Variants in OPRL1 observed in about 807,000 individuals in gnomAD.
OPRL1 encodes opioid related nociceptin receptor 1.
In OPRL1, 5 loss-of-function variants were observed where a neutral mutation model predicts 15.5. The observed-to-expected ratio is 0.32, with a 90% CI of 0.17 to 0.68. The LOEUF (loss-of-function observed/expected upper bound fraction) is 0.68, where lower values mean the gene tolerates loss of function less well. Among genes scored for constraint, OPRL1 ranks in the 30% least tolerant of loss-of-function variants. The probability of loss-of-function intolerance (pLI) is 0.72; values close to 1 mark genes in which losing one functional copy is unlikely to be tolerated. For missense variants in OPRL1, 406 were observed against 515.3 expected, an observed-to-expected ratio of 0.79 and a Z score of 2.05; for synonymous variants, 223 against 230.2, an observed-to-expected ratio of 0.97 and a Z score of 0.28.
At chr20:64,088,329 G>A (rs1359665610) in intron 1 of OPRL1, among the ~76,000 whole-genome samples, 3 of 151,564 alleles carry the variant, frequency 2.0e-5, no homozygotes, top group South Asian at 2.1e-4. Context: ...GAGTCTCTGC[G>A]GGGAGGACTT....
rs1419825604 is a variant in OPRL1, at chr20:64,090,803, G to A, written c.-184-1163G>A. Reference sequence around the variant, plus strand: ...GATCTGGGGCCCAGCTGTGGCAGAGGTGCCCTGGGCACTGATCTGGGGCCC... The same window carrying A: ...GATCTGGGGCCCAGCTGTGGCAGAGATGCCCTGGGCACTGATCTGGGGCCC... On this transcript the variant is annotated intron_variant, in intron 1 of 4. Coordinates refer to ENST00000336866, the MANE Select transcript of OPRL1 (RefSeq NM_182647.4). This position sits in a 1 kb window ranked among gnomAD's most constrained non-coding sequence, Gnocchi z 4.9. Among the ~76,000 whole-genome samples, 4 of 139,910 alleles carry A rather than the reference G, an allele frequency of 2.9e-5. No homozygotes were observed. The highest frequency in any genetic ancestry group is 6.3e-5 in the Non-Finnish European group (4 of 63,340). 91.8% of individuals were successfully genotyped at this position (139,910 alleles called of 152,430 possible). A position where few individuals can be genotyped will look rare whatever the true frequency, so the allele number is the denominator to read the frequency against.
intron 1 of OPRL1, among the ~76,000 whole-genome samples, chr20:64,087,953 C>T (rs1220660936): frequency 6.6e-6 from 1 of 152,168 alleles, no homozygotes; most frequent in Non-Finnish European, 1.5e-5. Context: ...GGGCTGGGCC[C>T]CTGCCAACCC....
Position 64,090,629 on chromosome 20 carries a change from C to T in OPRL1, c.-184-1337C>T, listed in dbSNP as rs1267411097. ...ACAGCCTTGACCTGTGACCTTTCAT[C>T]TCAGTGGATCAGGCATGGGACCCCC... is the stretch of plus-strand genomic sequence containing the variant. On this transcript the variant is annotated intron_variant, in intron 1 of 4. Coordinates refer to ENST00000336866, the MANE Select transcript of OPRL1 (RefSeq NM_182647.4). This position sits in a 1 kb window ranked among gnomAD's most constrained non-coding sequence, Gnocchi z 4.9. 6.6e-6 allele frequency among the ~76,000 whole-genome samples: 1 copy of T among 152,216 alleles called. No homozygotes were observed. Among genetic ancestry groups the T allele is most frequent in the Non-Finnish European group, 1.5e-5 (1 of 68,032 alleles).
At position 64,083,547 on chromosome 20, in the gene OPRL1, TC is replaced by T. The variant is rs2059994767; in HGVS notation, c.-185+3199del. On this transcript the variant is annotated intron_variant, in intron 1 of 4. Coordinates refer to ENST00000336866, the MANE Select transcript of OPRL1 (RefSeq NM_182647.4). This position sits in a 1 kb window ranked among gnomAD's most constrained non-coding sequence, Gnocchi z 4.9. Reference sequence around the variant, plus strand: ...CGTGTGCGGAGGCGGGCAGGGCCCCTCCCCTTTCCCCGCCCCTACCGGGGCT... The same window carrying T: ...CGTGTGCGGAGGCGGGCAGGGCCCCTCCCTTTCCCCGCCCCTACCGGGGCT... 1.5e-5 allele frequency: 23 copies of T among 1,533,282 alleles called. No individual in the cohort carries two copies. Among genetic ancestry groups the T allele is most frequent in the Non-Finnish European group, 1.8e-5 (21 of 1,139,132 alleles). The allele number at this position is 1,533,282 out of a possible 1,614,324, so 95.0% of individuals were successfully genotyped here. A position where few individuals can be genotyped will look rare whatever the true frequency, so the allele number is the denominator to read the frequency against.
intron 1 of OPRL1, chr20:64,084,384 G>A (rs2145572633): frequency 7.8e-7 from 1 of 1,276,410 alleles, no homozygotes; most frequent in African/African-American, 1.6e-5. Context: ...CTTTGCCCAG[G>A]CGCTCTCCCT....
At chr20:64,093,230 G>A (rs186580497) in intron 3 of OPRL1, among the ~76,000 whole-genome samples, 15 of 151,654 alleles carry the variant, frequency 9.9e-5, no homozygotes, top group African/African-American at 3.6e-4. Flanking sequence ...TGTGGACCAG[G>A]CTCTGTGTCA....
In OPRL1 at chr20:64,083,569, G is replaced by A. The variant is rs768464574; in HGVS notation, c.-185+3217G>A. ...CCCTCCCCTTTCCCCGCCCCTACCGGGGCTTGTCTGCACCTCTTGGCGGTC... is the reference window on the plus strand; with the variant it reads ...CCCTCCCCTTTCCCCGCCCCTACCGAGGCTTGTCTGCACCTCTTGGCGGTC... On this transcript the variant is annotated intron_variant, in intron 1 of 4. Transcript: ENST00000336866. The surrounding 1 kb of genome is among the most constrained non-coding windows in gnomAD (Gnocchi z 4.9). 23 of 1,525,332 alleles carry A rather than the reference G, an allele frequency of 1.5e-5. No individual in the cohort carries two copies. The Admixed American group carries it at 4.7e-4, about 31-fold the overall frequency. The allele number at this position is 1,525,332 out of a possible 1,614,324, so 94.5% of individuals were successfully genotyped here.
Position 64,098,298 on chromosome 20 carries a change from C to A in OPRL1, c.612C>A (p.Ile204=). The change falls in exon 5 of 5, where the codon ATC becomes ATA. Residue 204 remains isoleucine, a synonymous_variant. Coordinates refer to ENST00000336866, the MANE Select transcript of OPRL1 (RefSeq NM_182647.4). ...EDEEIECLVE[I]PTPQDYWGPV... ...CAGAGATCGAGTGCCTGGTGGAGATCCCTACCCCTCAGGATTACTGGGGCC... is the reference window on the plus strand; with the variant it reads ...CAGAGATCGAGTGCCTGGTGGAGATACCTACCCCTCAGGATTACTGGGGCC... The A allele has an allele frequency of 1.9e-6, 3 of 1,613,856 alleles. No homozygotes were observed. The highest frequency in any genetic ancestry group is 1.7e-5 in the Admixed American group (1 of 60,026).
chr20:64,093,037 G>T, intron 3 of OPRL1, 84 bp downstream of exon 3: 1 of 1,201,682 alleles, frequency 8.3e-7, no homozygotes, highest in African/African-American at 1.5e-5. Flanking sequence ...TTCTGGATGG[G>T]CCTGAGCAGG....
intron 1 of OPRL1, among the ~76,000 whole-genome samples, chr20:64,088,734 G>GTGGCCA (rs1411930057): frequency 1.2e-4 from 1 of 8,392 alleles, no homozygotes; most frequent in Non-Finnish European, 3.0e-4. Flanking sequence ...ATCTGTGCAA[G>GTGGCCA]GGGTAGGATC....
At chr20:64,088,918 C>T (rs1569272135) in intron 1 of OPRL1, among the ~76,000 whole-genome samples, 13 of 102,030 alleles carry the variant, frequency 1.3e-4, no homozygotes, top group South Asian at 3.7e-4. Flanking sequence ...GCAGAGTGGC[C>T]AGGATCTGTG....
chr20:64,083,923 C>A lies in OPRL1; in HGVS notation c.-185+3571C>A, dbSNP rs1202671325. 6.9e-7 allele frequency: 1 copy of A among 1,452,004 alleles called. No individual in the cohort carries two copies. Among genetic ancestry groups the A allele is most frequent in the Admixed American group, 2.6e-5 (1 of 38,968 alleles). The allele number at this position is 1,452,004 out of a possible 1,614,324, so 89.9% of individuals were successfully genotyped here. On this transcript the variant is annotated intron_variant, in intron 1 of 4. Coordinates refer to ENST00000336866, the MANE Select transcript of OPRL1 (RefSeq NM_182647.4). This position sits in a 1 kb window ranked among gnomAD's most constrained non-coding sequence, Gnocchi z 4.9. ...TCTGGCGCTCGGCGGGCAGCTCGAGCGACTGCGTCCACGGGCGCGGGTCGG... is the reference window on the plus strand; with the variant it reads ...TCTGGCGCTCGGCGGGCAGCTCGAGAGACTGCGTCCACGGGCGCGGGTCGG...
chr20:64,090,746 G>T lies in OPRL1; in HGVS notation c.-184-1220G>T, dbSNP rs975756226. On this transcript the variant is annotated intron_variant, in intron 1 of 4. Transcript: ENST00000336866. This position sits in a 1 kb window ranked among gnomAD's most constrained non-coding sequence, Gnocchi z 4.9. The stretch of plus-strand genomic sequence containing the variant: ...GAGTGATGCTCAGCCACTGATCTGG[G>T]GCCCAGCTGTGGCAGAGGTGCCCTG... 6.6e-6 allele frequency among the ~76,000 whole-genome samples: 1 copy of T among 151,556 alleles called. No homozygotes were observed. Among genetic ancestry groups the T allele is most frequent in the African/African-American group, 2.4e-5 (1 of 40,898 alleles).
chr20:64,085,894 G>A (rs2060043639), intron 1 of OPRL1, among the ~76,000 whole-genome samples: 1 of 152,176 alleles, frequency 6.6e-6, no homozygotes, highest in African/African-American at 2.4e-5. Context: ...ATGTCCCAGA[G>A]CCGGCACCCC....
Position 64,097,614 on chromosome 20 carries a change from C to T in OPRL1, c.234-188C>T, listed in dbSNP as rs6011293. Among the ~76,000 whole-genome samples, 4,875 of 150,872 alleles carry T rather than the reference C, an allele frequency of 0.032. 215 individuals are homozygous for T. Among genetic ancestry groups the T allele is most frequent in the African/African-American group, 0.1 (4,228 of 41,392 alleles). On this transcript the variant is annotated intron_variant, in intron 3 of 4. Transcript: ENST00000336866. The surrounding 1 kb of genome is among the most constrained non-coding windows in gnomAD (Gnocchi z 4.2). ...GACGTTTGACCCCAGGCCCTACCCC[C>T]TGAGACTGACTCATGAGTCTCAGGT...
At position 64,099,359 on chromosome 20, in the gene OPRL1, G is replaced by A. The variant is rs1979569028; in HGVS notation, c.*560G>A. On this transcript the variant is annotated 3_prime_UTR_variant, in exon 5 of 5. Transcript: ENST00000336866. Reference sequence around the variant, plus strand: ...AGTGCAGCAGGCAGCTTTTCTTTGGGGTGGGACTTGCCCTGAGCTTGGAGC... The same window carrying A: ...AGTGCAGCAGGCAGCTTTTCTTTGGAGTGGGACTTGCCCTGAGCTTGGAGC... 6.5e-6 allele frequency: 1 copy of A among 153,762 alleles called. No individual in the cohort carries two copies. Among genetic ancestry groups the A allele is most frequent in the African/African-American group, 2.4e-5 (1 of 41,484 alleles). The allele number at this position is 153,762 out of a possible 1,614,324, so 9.5% of individuals were successfully genotyped here.
rs924392359 is a variant in OPRL1, at chr20:64,099,137, G to A, written c.*338G>A. 4.0e-5 allele frequency: 15 copies of A among 377,540 alleles called. No individual in the cohort carries two copies. The highest frequency in any genetic ancestry group is 1.4e-3 in the Middle Eastern group (2 of 1,422). The allele number at this position is 377,540 out of a possible 1,614,324, so 23.4% of individuals were successfully genotyped here. A position where few individuals can be genotyped will look rare whatever the true frequency, so the allele number is the denominator to read the frequency against. The stretch of plus-strand genomic sequence containing the variant: ...CTGGAGCCCGTGCCCCTCCCTCCCC[G>A]TGCTTCATGTGACTCTTGGCCTCTC... On this transcript the variant is annotated 3_prime_UTR_variant, in exon 5 of 5. Coordinates refer to ENST00000336866, the MANE Select transcript of OPRL1 (RefSeq NM_182647.4).
chr20:64,082,850 C>T (rs889044960), intron 1 of OPRL1, among the ~76,000 whole-genome samples: 2 of 149,192 alleles, frequency 1.3e-5, no homozygotes, highest in Non-Finnish European at 3.0e-5. Flanking sequence ...TGGCATGGGG[C>T]ATTAAAGGGG....
rs1378367966 is a variant in OPRL1 at position 64,090,646 on chromosome 20, G to A, written c.-184-1320G>A. ...CCTTTCATCTCAGTGGATCAGGCAT[G>A]GGACCCCCGTGCTGAGAAGGAGGCA... On this transcript the variant is annotated intron_variant, in intron 1 of 4. Coordinates refer to ENST00000336866, the MANE Select transcript of OPRL1 (RefSeq NM_182647.4). The surrounding 1 kb of genome is among the most constrained non-coding windows in gnomAD (Gnocchi z 4.9). 6.6e-6 allele frequency among the ~76,000 whole-genome samples: 1 copy of A among 152,188 alleles called. No homozygotes were observed. Among genetic ancestry groups the A allele is most frequent in the Non-Finnish European group, 1.5e-5 (1 of 68,034 alleles).
Sources: gnomAD v4.1 joint callset for allele counts (sites outside exome capture counted in the v4.1 genomes callset) on GRCh38, gnomAD v4.1.1 for gene constraint, Gnocchi (gnomAD v3.1) non-coding constraint, MANE v1.5 for transcripts, NCBI Gene and HGNC (gene_info 2026-07-23, HGNC 2026-07-21) for gene names.